The following VEPH1 variants were observed in gnomAD, a reference collection of about 807,000 sequenced individuals.
VEPH1 encodes the protein ventricular zone-expressed PH domain-containing protein homolog 1.
VEPH1 carries 80 observed loss-of-function variants against 85.2 expected under a neutral mutation model. That is an observed-to-expected ratio of 0.94 (90% CI 0.78 to 1.13). The LOEUF is 1.13. Ranked by LOEUF, VEPH1 falls within the 50% of genes most tolerant of loss-of-function variation. The pLI is 0.00. For synonymous variants in VEPH1, 297 were observed against 348.0 expected, an observed-to-expected ratio of 0.85 and a Z score of 1.63; for missense variants, 955 against 980.5, an observed-to-expected ratio of 0.97 and a Z score of 0.35.
At chr3:157,439,019 T>G (rs1217727837) in intron 4 of VEPH1, among the ~76,000 whole-genome samples, 2 of 152,196 alleles carry the variant, frequency 1.3e-5, no homozygotes, top group Non-Finnish European at 2.9e-5. Context: ...CATGTTTCAT[T>G]TAAAGTTACA....
intron 11 of VEPH1, among the ~76,000 whole-genome samples, chr3:157,303,022 A>T (rs1559938943): frequency 6.6e-6 from 1 of 152,256 alleles, no homozygotes. Context: ...TAATGTATGT[A>T]TATAGTTTAA....
chr3:157,380,336 A>G (rs1420546795), intron 7 of VEPH1, among the ~76,000 whole-genome samples: 3 of 152,202 alleles, frequency 2.0e-5, no homozygotes, highest in East Asian at 3.8e-4. Context: ...ATACCCTGCC[A>G]TGTACAAAGC....
intron 11 of VEPH1, among the ~76,000 whole-genome samples, chr3:157,295,059 C>T (rs1011605602): frequency 6.6e-6 from 1 of 152,100 alleles, no homozygotes; most frequent in African/African-American, 2.4e-5. Context: ...GTTCCACCCC[C>T]TATGTAAATA....
At chr3:157,436,945 T>C (rs1450914330) in intron 4 of VEPH1, 1 of 1,613,566 alleles carries the variant, frequency 6.2e-7, no homozygotes, top group African/African-American at 1.3e-5. Context: ...TGCATCTCCT[T>C]GCGATTCTGT....
At position 157,495,282 on chromosome 3, in the gene VEPH1, AAGG is replaced by A. The variant is rs750107683; in HGVS notation, c.65_67del (p.Ser22del). 1.2e-6 allele frequency: 2 copies of A among 1,614,080 alleles called. No homozygotes were observed. The highest frequency in any genetic ancestry group is 1.1e-5 in the South Asian group (1 of 91,074). ...GCTGTCTTCAATCTCAGAGTCATCT[AAGG>A]AGAAGAGGTCCCCAGCTCGTGAAAG... On this transcript the variant is annotated inframe_deletion, in exon 2 of 14. Coordinates refer to ENST00000362010, the MANE Select transcript of VEPH1 (RefSeq NM_001167912.2).
rs781661788 is a variant in VEPH1 at position 157,381,278 on chromosome 3, G to C, written c.1005C>G (p.Thr335=). The C allele has an allele frequency of 7.4e-6, 12 of 1,614,028 alleles. No individual in the cohort carries two copies. The South Asian group carries it at 1.3e-4, about 18-fold the overall frequency. Residue 335 remains threonine (T), a synonymous_variant, in exon 7 of 14, where the codon ACC becomes ACG. Coordinates refer to ENST00000362010, the MANE Select transcript of VEPH1 (RefSeq NM_001167912.2). ...HILLLEIKSI[T]DTFSSILGPQ... is the part of the protein sequence containing the mutation. Reference sequence around the variant, plus strand: ...GGCCCAAGATTGAGGAGAAGGTGTCGGTGATGCTTTTAATCTCCAGCAGGA... The same window carrying C: ...GGCCCAAGATTGAGGAGAAGGTGTCCGTGATGCTTTTAATCTCCAGCAGGA...
chr3:157,501,110 A>T (rs914397724), intron 1 of VEPH1, among the ~76,000 whole-genome samples: 1 of 152,224 alleles, frequency 6.6e-6, no homozygotes, highest in Non-Finnish European at 1.5e-5. Context: ...ACATGACTGT[A>T]CTGTTCACTA....
At chr3:157,277,729 T>G (rs1008946864) in intron 12 of VEPH1, among the ~76,000 whole-genome samples, 1 of 152,228 alleles carries the variant, frequency 6.6e-6, no homozygotes, top group African/African-American at 2.4e-5. Flanking sequence ...CATGTGTATG[T>G]ATATTTTTAA....
intron 12 of VEPH1, among the ~76,000 whole-genome samples, chr3:157,266,691 T>G (rs901412484): frequency 5.9e-5 from 9 of 152,174 alleles, no homozygotes; most frequent in African/African-American, 2.2e-4. Context: ...ATCATAGAAT[T>G]AGAAGATCCA....
chr3:157,325,656 G>A (rs1249156936), intron 9 of VEPH1, among the ~76,000 whole-genome samples: 1 of 152,110 alleles, frequency 6.6e-6, no homozygotes, highest in Non-Finnish European at 1.5e-5. Flanking sequence ...TTATAGGTGT[G>A]CAGTCTTATT....
chr3:157,445,264 C>T (rs1348976450), intron 4 of VEPH1, among the ~76,000 whole-genome samples: 1 of 152,240 alleles, frequency 6.6e-6, no homozygotes, highest in South Asian at 2.1e-4. Context: ...ATACTTTTGT[C>T]GTGTTTAATC....
chr3:157,303,985 A>G (rs1211836916), intron 11 of VEPH1, among the ~76,000 whole-genome samples: 3 of 132,412 alleles, frequency 2.3e-5, no homozygotes, highest in Admixed American at 8.6e-5. Flanking sequence ...TGTCATTTCT[A>G]TCACACATGT....
chr3:157,357,190 G>A (rs1378127054), intron 9 of VEPH1, among the ~76,000 whole-genome samples: 1 of 152,080 alleles, frequency 6.6e-6, no homozygotes, highest in Non-Finnish European at 1.5e-5. Context: ...CTCCATTTAT[G>A]TATTTACTTT....
At chr3:157,332,178 G>A (rs1722570168) in intron 9 of VEPH1, among the ~76,000 whole-genome samples, 2 of 152,174 alleles carry the variant, frequency 1.3e-5, no homozygotes, top group African/African-American at 4.8e-5. Flanking sequence ...ATTAAGTATG[G>A]AGTTTATCAC....
intron 5 of VEPH1, among the ~76,000 whole-genome samples, chr3:157,428,058 TCAGGCTTTCAGACTTGAATTGAAA>T (rs774195282): frequency 7.2e-5 from 11 of 152,242 alleles, no homozygotes; most frequent in Non-Finnish European, 1.2e-4. Context: ...TCTCCAATTC[TCAGGCTTTCAGACTTGAATTGAAA>T]CTATGCCACT....
chr3:157,360,539 A>G (rs1047135196), intron 9 of VEPH1, among the ~76,000 whole-genome samples: 4 of 152,130 alleles, frequency 2.6e-5, no homozygotes, highest in African/African-American at 9.7e-5. Flanking sequence ...TTTTTGACTT[A>G]TGATGGGGTT....
chr3:157,283,297 T>C (rs1716376534), intron 12 of VEPH1, among the ~76,000 whole-genome samples: 2 of 152,252 alleles, frequency 1.3e-5, no homozygotes, highest in Admixed American at 6.5e-5. Context: ...CTGTGTGACC[T>C]TGCGAAAATT....
chr3:157,391,249 G>A (rs2108919354), intron 6 of VEPH1, among the ~76,000 whole-genome samples: 1 of 152,336 alleles, frequency 6.6e-6, no homozygotes, highest in South Asian at 2.1e-4. Flanking sequence ...TGGCCATAGA[G>A]GTTTCCAGCT....
chr3:157,501,360 T>A (rs1335815171), intron 1 of VEPH1, among the ~76,000 whole-genome samples: 2 of 152,200 alleles, frequency 1.3e-5, no homozygotes, highest in East Asian at 3.8e-4. Context: ...TAACAGTGAA[T>A]GTTTTTACAG....
Sources: gnomAD v4.1 joint callset for allele counts (sites outside exome capture counted in the v4.1 genomes callset) on GRCh38, gnomAD v4.1.1 for gene constraint, MANE v1.5 for transcripts, NCBI Gene and HGNC (gene_info 2026-07-23, HGNC 2026-07-21) for gene names.